Variants in HHAT observed in about 807,000 individuals in gnomAD.
The protein encoded by HHAT is hedgehog acyltransferase.
In HHAT, 47 loss-of-function variants were observed where a neutral mutation model predicts 70.8. That is an observed-to-expected ratio of 0.66 (90% CI 0.53 to 0.85). HHAT has a LOEUF of 0.85. Among genes scored for constraint, HHAT ranks in the 40% least tolerant of loss-of-function variants. HHAT has a pLI of 0.00. For missense variants in HHAT, 609 were observed against 604.8 expected (o/e 1.01, Z -0.07); for synonymous variants, 228 against 247.6 (o/e 0.92, Z 0.74).
At chr1:210,592,796 T>C (rs1662036642) in intron 10 of HHAT, among the ~76,000 whole-genome samples, 2 of 152,076 alleles carry the variant, frequency 1.3e-5, no homozygotes, top group Admixed American at 1.3e-4. Context: ...GCTATTATAA[T>C]TGGGATTACT....
chr1:210,438,679 A>G (rs866284144), intron 7 of HHAT, among the ~76,000 whole-genome samples: 3 of 151,822 alleles, frequency 2.0e-5, no homozygotes, highest in Admixed American at 6.6e-5. Flanking sequence ...GAAATTGGGT[A>G]AATGATCATG....
chr1:210,512,556 C>A (rs1277625852), intron 8 of HHAT, among the ~76,000 whole-genome samples: 1 of 151,308 alleles, frequency 6.6e-6, no homozygotes, highest in African/African-American at 2.4e-5. Context: ...CCTGTAGTCA[C>A]AGCTACTCTG....
At chr1:210,617,993 T>C (rs1311654928) in intron 10 of HHAT, among the ~76,000 whole-genome samples, 2 of 152,216 alleles carry the variant, frequency 1.3e-5, no homozygotes, top group South Asian at 2.1e-4. Flanking sequence ...TAGCTAATCA[T>C]TGAGCACACA....
chr1:210,626,807 C>T lies in HHAT; in HGVS notation c.1390+3137C>T, dbSNP rs116005723. The stretch of plus-strand genomic sequence containing the variant: ...TCTGCTGGGGGTGTTCATATATGAG[C>T]TTTCTAAAGTTAAAAAAATCTGAAT... On this transcript the variant is annotated intron_variant, in intron 11 of 11. Coordinates refer to ENST00000261458, the MANE Select transcript of HHAT (RefSeq NM_018194.6). Among the ~76,000 whole-genome samples the T allele has an allele frequency of 9.5e-3, 1,445 of 152,204 alleles. 24 individuals are homozygous for T. Among genetic ancestry groups the T allele is most frequent in the African/African-American group, 0.032 (1,316 of 41,514 alleles).
intron 3 of HHAT, chr1:210,374,235 A>G (rs573378120): frequency 1.3e-5 from 2 of 150,782 alleles, no homozygotes; most frequent in African/African-American, 2.5e-5. Flanking sequence ...GTAAAAGGCG[A>G]AAGATTTATT....
At chr1:210,561,425 C>T (rs1228637849) in intron 9 of HHAT, among the ~76,000 whole-genome samples, 2 of 152,138 alleles carry the variant, frequency 1.3e-5, no homozygotes, top group Non-Finnish European at 2.9e-5. Context: ...TGACAGGATG[C>T]CACTTTCAGA....
At chr1:210,613,009 G>A (rs1666904296) in intron 10 of HHAT, among the ~76,000 whole-genome samples, 4 of 152,086 alleles carry the variant, frequency 2.6e-5, no homozygotes, top group African/African-American at 9.7e-5. Flanking sequence ...ATATATTCTG[G>A]ATATTAAGCT....
chr1:210,419,038 AAG>A (rs1319749502), intron 7 of HHAT, among the ~76,000 whole-genome samples: 5 of 152,092 alleles, frequency 3.3e-5, no homozygotes, highest in Non-Finnish European at 5.9e-5. Flanking sequence ...GTCTCAAAAA[AAG>A]AATGAGTTTC....
intron 7 of HHAT, among the ~76,000 whole-genome samples, chr1:210,430,837 T>G (rs994546693): frequency 6.6e-5 from 10 of 151,980 alleles, no homozygotes; most frequent in African/African-American, 2.2e-4. Flanking sequence ...TCCTATTTTT[T>G]ATATTTACAA....
At chr1:210,646,914 C>T (rs1040575647) in intron 11 of HHAT, among the ~76,000 whole-genome samples, 13 of 152,262 alleles carry the variant, frequency 8.5e-5, no homozygotes, top group Middle Eastern at 3.4e-3. Context: ...ACATTAGCAT[C>T]CCCAGCTATT....
intron 9 of HHAT, among the ~76,000 whole-genome samples, chr1:210,574,150 T>C (rs1657070773): frequency 6.6e-6 from 1 of 152,206 alleles, no homozygotes; most frequent in African/African-American, 2.4e-5. Context: ...AGAGATCATC[T>C]AGATTGAGAT....
chr1:210,473,578 C>T (rs2094247681), intron 8 of HHAT, among the ~76,000 whole-genome samples: 1 of 152,138 alleles, frequency 6.6e-6, no homozygotes, highest in Non-Finnish European at 1.5e-5. Context: ...TCTGTTCTTA[C>T]CTTACATCCT....
chr1:210,674,249 A>G (rs1194499608), intron 11 of HHAT, 39 bp from the exon 12 acceptor site: 1 of 1,549,592 alleles, frequency 6.5e-7, no homozygotes, highest in Non-Finnish European at 8.9e-7. Context: ...TGCCCCAAGC[A>G]TTTCTAACTG....
chr1:210,410,215 G>A (rs55798299), intron 6 of HHAT, among the ~76,000 whole-genome samples: 13,886 of 151,444 alleles, frequency 0.092, 888 homozygotes, highest in Middle Eastern at 0.14. Context: ...ACCACGCCCA[G>A]CTAATTTTTT....
chr1:210,605,381 A>T (rs28371362), intron 10 of HHAT, among the ~76,000 whole-genome samples: 4,816 of 152,266 alleles, frequency 0.032, 274 homozygotes, highest in African/African-American at 0.11. Flanking sequence ...CCTCCTACTT[A>T]GATCACCCCA....
intron 3 of HHAT, among the ~76,000 whole-genome samples, chr1:210,385,115 T>A (rs4844523): frequency 0.28 from 41,966 of 148,320 alleles, 6,037 homozygotes; most frequent in Admixed American, 0.32. Context: ...ATATGTTTTG[T>A]TGTATTATAT....
At chr1:210,592,545 A>AT (rs111899012) in intron 10 of HHAT, among the ~76,000 whole-genome samples, 1,659 of 151,040 alleles carry the variant, frequency 0.011, 26 homozygotes, top group African/African-American at 0.034. Flanking sequence ...AAGTTTTAGG[A>AT]TTTTTTTTTT....
intron 9 of HHAT, among the ~76,000 whole-genome samples, chr1:210,542,585 G>T (rs1035379611): frequency 6.6e-6 from 1 of 151,572 alleles, no homozygotes; most frequent in African/African-American, 2.4e-5. Context: ...ATTGCTTGAG[G>T]CCAGGAGTTG....
chr1:210,329,203 C>A, intron 1 of HHAT, 99 bp downstream of exon 1: 1 of 1,221,120 alleles, frequency 8.2e-7, no homozygotes, highest in Non-Finnish European at 1.0e-6. Flanking sequence ...AAACGCTTTC[C>A]GTTTCCTACC....
Sources: allele counts gnomAD v4.1 joint callset (sites outside exome capture counted in the v4.1 genomes callset), GRCh38; gene constraint gnomAD v4.1.1; transcripts MANE v1.5; gene names NCBI Gene and HGNC (gene_info 2026-07-23, HGNC 2026-07-21).